Variants in ELN observed in about 807,000 individuals in gnomAD.
The protein encoded by ELN is tropoelastin.
ELN carries 65 observed loss-of-function variants against 105.8 expected under a neutral mutation model. That is an observed-to-expected ratio of 0.61 (90% CI 0.50 to 0.75). The LOEUF is 0.75. Among genes scored for constraint, ELN ranks in the 30% least tolerant of loss-of-function variants. The pLI is 0.00. For synonymous variants in ELN, 368 were observed against 389.2 expected, an observed-to-expected ratio of 0.95 and a Z score of 0.64; for missense variants, 882 against 969.4, an observed-to-expected ratio of 0.91 and a Z score of 1.20.
At chr7:74,039,017 G>C (rs1253090001) in intron 4 of ELN, among the ~76,000 whole-genome samples, 4 of 152,168 alleles carry the variant, frequency 2.6e-5, no homozygotes, top group African/African-American at 9.7e-5. Context: ...GAGAGGACAG[G>C]GGAGATGATA....
rs28763987 is a variant in ELN at position 74,068,686 on chromosome 7, C to G, written c.2161C>G (p.Arg721Gly). The G allele has an allele frequency of 6.2e-7, 1 of 1,614,068 alleles. No homozygotes were observed. The highest frequency in any genetic ancestry group is 1.7e-5 in the Admixed American group (1 of 60,000). The change falls in exon 33 of 33, where the codon CGG becomes GGG. Residue 721 changes from arginine to glycine, a missense_variant. Coordinates refer to ENST00000252034, the MANE Select transcript of ELN (RefSeq NM_000501.4). ...GGCCTGCCTGGGGAAAGCTTGTGGC[C>G]GGAAGAGAAAATGAGCTTCCTAGGA... ...GGACLGKACG[R>G]KRK
chr7:74,042,961 C>T (rs2131451600), intron 6 of ELN, 23 bp from the exon 7 acceptor site: 3 of 1,614,116 alleles, frequency 1.9e-6, no homozygotes, highest in East Asian at 2.2e-5. Flanking sequence ...TTACGCAATG[C>T]CTCACCTGTC....
chr7:74,050,665 G>A (rs184197595), intron 15 of ELN, among the ~76,000 whole-genome samples: 13 of 151,936 alleles, frequency 8.6e-5, no homozygotes, highest in Admixed American at 2.0e-4. Context: ...ATTCATCCAT[G>A]CCTCCTTCCT....
At chr7:74,037,318 T>A (rs1188404185) in intron 3 of ELN, among the ~76,000 whole-genome samples, 5 of 151,432 alleles carry the variant, frequency 3.3e-5, no homozygotes, top group Non-Finnish European at 7.4e-5. Context: ...CTCAGCCTCC[T>A]GAGTAGCTGG....
intron 5 of ELN, among the ~76,000 whole-genome samples, chr7:74,041,901 G>A (rs782000393): frequency 3.9e-5 from 6 of 151,906 alleles, no homozygotes; most frequent in Admixed American, 1.3e-4. Context: ...CACCACGCTC[G>A]GCTAATTTTT....
chr7:74,042,006 C>T (rs1276476752), intron 5 of ELN, among the ~76,000 whole-genome samples: 2 of 150,638 alleles, frequency 1.3e-5, no homozygotes, highest in Non-Finnish European at 3.0e-5. Context: ...TCCCAAAGTG[C>T]TGGGATGACA....
chr7:74,056,214 G>A, intron 19 of ELN, 57 bp from the exon 20 acceptor site: 1 of 1,610,474 alleles, frequency 6.2e-7, no homozygotes, highest in Non-Finnish European at 8.5e-7. Context: ...ATCCCTCAGA[G>A]CCCGCCCAGC....
rs1359396364 is a variant in ELN, at chr7:74,069,620, G to A, written c.*920G>A. 5.1e-5 allele frequency: 12 copies of A among 233,226 alleles called. No individual in the cohort carries two copies. The highest frequency in any genetic ancestry group is 3.4e-4 in the Admixed American group (6 of 17,758). 14.4% of individuals were successfully genotyped at this position (233,226 alleles called of 1,614,324 possible). On this transcript the variant is annotated 3_prime_UTR_variant, in exon 33 of 33. Coordinates refer to ENST00000252034, the MANE Select transcript of ELN (RefSeq NM_000501.4). The stretch of plus-strand genomic sequence containing the variant: ...TCAGAGCAGTTCCCATTCCTGCCCC[G>A]CCCATCTTTTTGTGTCTCGCTGTGA...
intron 21 of ELN, chr7:74,057,315 C>T: frequency 1.5e-6 from 2 of 1,292,032 alleles, no homozygotes; most frequent in East Asian, 2.6e-5. Context: ...GATTCTCCCA[C>T]CCACCCTTGC....
At chr7:74,042,535 C>A in intron 5 of ELN, 79 bp from the exon 6 acceptor site, 1 of 1,335,774 alleles carries the variant, frequency 7.5e-7, no homozygotes. Flanking sequence ...CTGAGTGGGG[C>A]ACAGCCAGGC....
At position 74,042,958 on chromosome 7, in the gene ELN, A is replaced by AT. The variant is rs782510334; in HGVS notation, c.326-25dup. ...CTGCCTCCCCACTGTTCCTTACGCA[A>AT]TGCCTCACCTGTCCTGGCTCTGCAG... On this transcript the variant is annotated intron_variant, in intron 6 of 32. Transcript: ENST00000252034. The AT allele has an allele frequency of 6.8e-6, 11 of 1,613,704 alleles. No individual in the cohort carries two copies. The Admixed American group carries it at 1.2e-4, about 17-fold the overall frequency.
Position 74,043,122 on chromosome 7 carries a change from G to C in ELN, c.381G>C (p.Ala127=). 6.2e-7 allele frequency: 1 copy of C among 1,613,434 alleles called. No individual in the cohort carries two copies. Among genetic ancestry groups the C allele is most frequent in the Non-Finnish European group, 8.5e-7 (1 of 1,179,748 alleles). The change falls in exon 8 of 33, where the codon GCG becomes GCC. Residue 127 remains alanine (A), a synonymous_variant. Transcript: ENST00000252034. ...GVGGLGVSAG[A]VVPQPGAGVK... ...ATGCAGCCCCTTCTGTGCCAGGTGC[G>C]GTGGTTCCTCAGCCTGGAGCCGGAG...
Position 74,042,549 on chromosome 7 carries a change from G to A in ELN, c.233-65G>A, listed in dbSNP as rs1319228309. ...CCTGAGTGGGGCACAGCCAGGCAGG[G>A]CCAGAGCGTAGGAGTCTTCATAGGT... On this transcript the variant is annotated intron_variant, in intron 5 of 32. Coordinates refer to ENST00000252034, the MANE Select transcript of ELN (RefSeq NM_000501.4). 4 of 1,480,520 alleles carry A rather than the reference G, an allele frequency of 2.7e-6. No homozygotes were observed. The East Asian group carries it at 6.8e-5, about 25-fold the overall frequency. 91.7% of individuals were successfully genotyped at this position (1,480,520 alleles called of 1,614,324 possible). A position where few individuals can be genotyped will look rare whatever the true frequency, so the allele number is the denominator to read the frequency against.
chr7:74,046,981 G>A (rs1357613572), intron 12 of ELN, among the ~76,000 whole-genome samples: 1 of 152,192 alleles, frequency 6.6e-6, no homozygotes, highest in Non-Finnish European at 1.5e-5. Flanking sequence ...CTACTGGGGA[G>A]GCTGAGGCAG....
Position 74,051,782 on chromosome 7 carries a change from G to A in ELN, c.832G>A (p.Gly278Arg). 1 of 1,614,206 alleles carries A rather than the reference G, an allele frequency of 6.2e-7. No homozygotes were observed. Among genetic ancestry groups the A allele is most frequent in the Non-Finnish European group, 8.5e-7 (1 of 1,180,030 alleles). The stretch of plus-strand genomic sequence containing the variant: ...AGCAGCCGGAGTCCTCCCTGGTGTT[G>A]GAGGGGCTGGTGTTCCTGGCGTGCC... ...AGAAGVLPGV[G>R]GAGVPGVPGA... Residue 278 changes from glycine to arginine, a missense_variant, in exon 16 of 33, where the codon GGA (glycine) becomes AGA (arginine). Transcript: ENST00000252034.
In ELN at chr7:74,048,147, G is replaced by A. The variant is rs782012437; in HGVS notation, c.691G>A (p.Gly231Arg). 30 of 1,614,064 alleles carry A rather than the reference G, an allele frequency of 1.9e-5. No homozygotes were observed. The highest frequency in any genetic ancestry group is 8.3e-5 in the Admixed American group (5 of 60,022). ...YTTGKLPYGY[G>R]PGGVAGAAGK... is the part of the protein sequence containing the mutation. ...CAAGCCTCTCTGTTTTGCAGGCTAT[G>A]GGCCCGGAGGAGTGGCTGGTGCAGC... Residue 231 changes from glycine to arginine, a missense_variant, in exon 14 of 33, where the codon GGG becomes AGG. Gly to Arg is a moderately radical substitution (Grantham distance 125). Coordinates refer to ENST00000252034, the MANE Select transcript of ELN (RefSeq NM_000501.4).
rs190120185 is a variant in ELN at position 74,049,543 on chromosome 7, A to G, written c.799+987A>G. 4.1e-5 allele frequency among the ~76,000 whole-genome samples: 6 copies of G among 146,432 alleles called. No homozygotes were observed. In the East Asian group the frequency reaches 1.2e-3, roughly 30 times the overall value. On this transcript the variant is annotated intron_variant, in intron 15 of 32. Coordinates refer to ENST00000252034, the MANE Select transcript of ELN (RefSeq NM_000501.4). ...CAACCATTCCTCCATGCATCCATCTATCCCTCCATCCATTCCTCTAGGCAC... is the reference window on the plus strand; with the variant it reads ...CAACCATTCCTCCATGCATCCATCTGTCCCTCCATCCATTCCTCTAGGCAC...
At chr7:74,053,706 G>A (rs1794624312) in intron 18 of ELN, among the ~76,000 whole-genome samples, 1 of 151,404 alleles carries the variant, frequency 6.6e-6, no homozygotes, top group Non-Finnish European at 1.5e-5. Context: ...GTGGGTGGAT[G>A]GATGGATGGG....
intron 1 of ELN, among the ~76,000 whole-genome samples, chr7:74,030,160 G>T (rs1286048354): frequency 1.3e-5 from 2 of 152,228 alleles, no homozygotes; most frequent in Admixed American, 1.3e-4. Context: ...TGATGAGCTC[G>T]TGTGGGGTTT....
Sources: allele counts gnomAD v4.1 joint callset (sites outside exome capture counted in the v4.1 genomes callset), GRCh38; gene constraint gnomAD v4.1.1; transcripts MANE v1.5; gene names NCBI Gene and HGNC (gene_info 2026-07-23, HGNC 2026-07-21).